AKAP6: variants seen among roughly 807,000 people sequenced by gnomAD.
The protein encoded by AKAP6 is A-kinase anchoring protein 6.
In AKAP6, 58 loss-of-function variants were observed where a neutral mutation model predicts 188.5. That is an observed-to-expected ratio of 0.31 (90% CI 0.25 to 0.38). The LOEUF (loss-of-function observed/expected upper bound fraction) is 0.38. AKAP6 is among the 10% of genes least tolerant of loss of function. AKAP6 has a pLI of 1.00. For missense variants in AKAP6, 2,710 were observed against 2,740.0 expected, an observed-to-expected ratio of 0.99 and a Z score of 0.24; for synonymous variants, 989 against 998.6, an observed-to-expected ratio of 0.99 and a Z score of 0.18.
chr14:32,787,450 A>G (rs1322214745), intron 12 of AKAP6, among the ~76,000 whole-genome samples: 1 of 152,208 alleles, frequency 6.6e-6, no homozygotes, highest in Non-Finnish European at 1.5e-5. Flanking sequence ...ATCTGAACAC[A>G]GTGACACGTT....
At chr14:32,517,576 C>T (rs1282776086) in intron 2 of AKAP6, among the ~76,000 whole-genome samples, 1 of 152,202 alleles carries the variant, frequency 6.6e-6, no homozygotes, top group East Asian at 1.9e-4. Flanking sequence ...GGGTCCTATG[C>T]CCACGGAGCC....
At chr14:32,829,685 C>G (rs148124608) in intron 13 of AKAP6, among the ~76,000 whole-genome samples, 163 bp from the exon 14 acceptor site, 2 of 151,076 alleles carry the variant, frequency 1.3e-5, no homozygotes, top group Non-Finnish European at 2.9e-5. Context: ...TAATGTGAAG[C>G]TTGGGCTATT....
intron 3 of AKAP6, 81 bp downstream of exon 3, chr14:32,535,886 A>G: frequency 2.0e-6 from 3 of 1,527,652 alleles, no homozygotes. Context: ...GATGTAGGAT[A>G]GGAATTCTTT....
intron 1 of AKAP6, among the ~76,000 whole-genome samples, chr14:32,387,643 A>G (rs1473217542): frequency 6.6e-6 from 1 of 151,582 alleles, no homozygotes; most frequent in East Asian, 1.9e-4. Flanking sequence ...GGTGTATCAC[A>G]TTTATTGACT....
At chr14:32,433,926 C>T in intron 2 of AKAP6, 109 bp downstream of exon 2, 1 of 1,039,440 alleles carries the variant, frequency 9.6e-7, no homozygotes, top group South Asian at 1.6e-5. Context: ...AAGAAAAGCA[C>T]AGTACCAGGT....
chr14:32,699,246 T>C (rs1474723846), intron 9 of AKAP6, among the ~76,000 whole-genome samples: 1 of 152,162 alleles, frequency 6.6e-6, no homozygotes, highest in African/African-American at 2.4e-5. Context: ...AACTACAGAT[T>C]GTATGAAATA....
intron 5 of AKAP6, among the ~76,000 whole-genome samples, chr14:32,584,584 A>T (rs1319774290): frequency 6.6e-6 from 1 of 152,326 alleles, no homozygotes; most frequent in East Asian, 1.9e-4. Flanking sequence ...GATAGTGAAC[A>T]TACTTATCAC....
intron 1 of AKAP6, among the ~76,000 whole-genome samples, chr14:32,335,049 C>T (rs1209215975): frequency 6.6e-6 from 1 of 152,118 alleles, no homozygotes; most frequent in Non-Finnish European, 1.5e-5. Flanking sequence ...ATTCTAGGCT[C>T]AAACGATCCT....
In AKAP6 at chr14:32,540,168, C is replaced by CTATATA. The variant is rs61668961; in HGVS notation, c.576+4383_576+4388dup. On this transcript the variant is annotated intron_variant, in intron 3 of 13. Transcript: ENST00000280979. ...TCTCTCTCTCTCTCTCTCTCTCTCT[C>CTATATA]TATATATATATATATATATATATAT... Among the ~76,000 whole-genome samples, 337 of 60,838 alleles carry CTATATA rather than the reference C, an allele frequency of 5.5e-3. 2 individuals carry two copies. Among genetic ancestry groups the CTATATA allele is most frequent in the African/African-American group, 0.01 (104 of 10,224 alleles). 39.9% of individuals were successfully genotyped at this position (60,838 alleles called of 152,430 possible).
chr14:32,482,344 A>G (rs1033186556), intron 2 of AKAP6, among the ~76,000 whole-genome samples: 6 of 152,058 alleles, frequency 3.9e-5, no homozygotes, highest in African/African-American at 1.5e-4. Flanking sequence ...CCATTCTCTA[A>G]ATATATTAAG....
intron 1 of AKAP6, among the ~76,000 whole-genome samples, chr14:32,388,203 A>G (rs10400711): frequency 0.91 from 138,873 of 152,102 alleles, 63,965 homozygotes; most frequent in Non-Finnish European, 0.97. Context: ...CTCCCATTTT[A>G]TTTCTTATTG....
In AKAP6 at chr14:32,577,255, G is replaced by A. The variant is rs1884768698; in HGVS notation, c.2469+13G>A. The A allele has an allele frequency of 6.2e-6, 10 of 1,606,454 alleles. No homozygotes were observed. The highest frequency in any genetic ancestry group is 7.6e-6 in the Non-Finnish European group (9 of 1,177,698). On this transcript the variant is annotated intron_variant, in intron 5 of 13. Coordinates refer to ENST00000280979, the MANE Select transcript of AKAP6 (RefSeq NM_004274.5). ...GGAGACACACTTGGTAGGCAAGATTGTGTTGTTCTTGCTGTCAATAATCAA... is the reference window on the plus strand; with the variant it reads ...GGAGACACACTTGGTAGGCAAGATTATGTTGTTCTTGCTGTCAATAATCAA...
chr14:32,644,865 G>C (rs1441400292), intron 7 of AKAP6, among the ~76,000 whole-genome samples: 1 of 152,066 alleles, frequency 6.6e-6, no homozygotes, highest in Admixed American at 6.6e-5. Flanking sequence ...ATTCCCTTCA[G>C]TCTTTGTCAG....
intron 7 of AKAP6, among the ~76,000 whole-genome samples, chr14:32,608,066 C>T (rs1014054549): frequency 6.6e-6 from 1 of 152,064 alleles, no homozygotes; most frequent in African/African-American, 2.4e-5. Context: ...CTTAAATTTG[C>T]ATATTATAAG....
chr14:32,721,425 A>G (rs1251865243), intron 9 of AKAP6, among the ~76,000 whole-genome samples: 2 of 152,230 alleles, frequency 1.3e-5, no homozygotes, highest in Non-Finnish European at 2.9e-5. Context: ...AAAAAAATTT[A>G]CAGGAAGGAC....
At position 32,546,979 on chromosome 14, in the gene AKAP6, G is replaced by A; in HGVS notation, c.2326G>A (p.Ala776Thr). ...QDIQHQDNYE[A>T]IWEKIEGFVN... ...TATTCAGCACCAAGACAACTATGAA[G>A]CCATATGGGAAAAAATAGAGGTAAG... The change falls in exon 4 of 14, where the codon GCC becomes ACC. Residue 776 changes from alanine to threonine, a missense_variant. Coordinates refer to ENST00000280979, the MANE Select transcript of AKAP6 (RefSeq NM_004274.5). 1 of 1,594,948 alleles carries A rather than the reference G, an allele frequency of 6.3e-7. No homozygotes were observed. Among genetic ancestry groups the A allele is most frequent in the Admixed American group, 1.7e-5 (1 of 57,662 alleles).
chr14:32,458,179 T>G (rs1056777635), intron 2 of AKAP6, among the ~76,000 whole-genome samples: 1 of 152,188 alleles, frequency 6.6e-6, no homozygotes, highest in East Asian at 1.9e-4. Flanking sequence ...GTGCCCAAAG[T>G]AAAGTCTACT....
chr14:32,541,234 C>T (rs1022755391), intron 3 of AKAP6, among the ~76,000 whole-genome samples: 4 of 151,750 alleles, frequency 2.6e-5, no homozygotes, highest in South Asian at 2.1e-4. Flanking sequence ...TTGAGTATGG[C>T]GTTTTCTTTT....
At chr14:32,811,050 T>C (rs563677043) in intron 12 of AKAP6, among the ~76,000 whole-genome samples, 69 of 151,898 alleles carry the variant, frequency 4.5e-4, no homozygotes, top group Non-Finnish European at 7.9e-4. Context: ...CCATCCTGGC[T>C]AACATGGAGA....
Sources: gnomAD v4.1 joint callset for allele counts (sites outside exome capture counted in the v4.1 genomes callset) on GRCh38, gnomAD v4.1.1 for gene constraint, MANE v1.5 for transcripts, NCBI Gene and HGNC (gene_info 2026-07-23, HGNC 2026-07-21) for gene names.